HPN: variants seen among roughly 807,000 people sequenced by gnomAD.
The protein encoded by HPN is hepsin, also known as serine protease hepsin.
HPN carries 13 observed loss-of-function variants against 55.9 expected under a neutral mutation model. The ratio of observed to expected loss-of-function variants is 0.23; its 90% CI spans 0.15 to 0.37. HPN has a LOEUF of 0.37. Among genes scored for constraint, HPN ranks in the 10% least tolerant of loss-of-function variants. HPN has a pLI of 1.00. For synonymous variants in HPN, 225 were observed against 240.3 expected (o/e 0.94, Z 0.59); for missense variants, 451 against 575.8 (o/e 0.78, Z 2.22).
intron 7 of HPN, 57 bp downstream of exon 7, chr19:35,060,226 C>T: frequency 6.2e-7 from 1 of 1,610,538 alleles, no homozygotes; most frequent in Admixed American, 1.7e-5. Flanking sequence ...GCCACGTCCC[C>T]TCAAGCTCCC....
At chr19:35,057,872 C>T (rs1046305428) in intron 4 of HPN, among the ~76,000 whole-genome samples, 1 of 152,132 alleles carries the variant, frequency 6.6e-6, no homozygotes, top group Non-Finnish European at 1.5e-5. Context: ...ATTTTAAGGC[C>T]GGGTGCAGTG....
intron 4 of HPN, among the ~76,000 whole-genome samples, chr19:35,054,611 T>C (rs2064437171): frequency 6.6e-6 from 1 of 152,130 alleles, no homozygotes. Context: ...TCCAGGGCAA[T>C]GTTAAAAGCT....
chr19:35,041,850 G>A lies in HPN; in HGVS notation c.-77G>A. ...GACCCCGGCACTACCTCGAGGCTCC[G>A]CCCCCACCTGCTGGACCCCAGGGTA... On this transcript the variant is annotated 5_prime_UTR_variant, in exon 1 of 13. Coordinates refer to ENST00000672452, the MANE Select transcript of HPN (RefSeq NM_001384133.1). 1.5e-6 allele frequency: 2 copies of A among 1,341,890 alleles called. No individual in the cohort carries two copies. 83.1% of individuals were successfully genotyped at this position (1,341,890 alleles called of 1,614,324 possible).
Position 35,065,529 on chromosome 19 carries a change from A to C in HPN, c.908-10A>C, listed in dbSNP as rs201049498. 2.5e-5 allele frequency: 41 copies of C among 1,613,734 alleles called. No individual in the cohort carries two copies. The East Asian group carries it at 8.9e-4, about 35-fold the overall frequency. ...CCCAGCTCTGGCCAGCCTTGCCTGC[A>C]CACCCCCAGGCCAACAGGCCGGGGT... is the stretch of plus-strand genomic sequence containing the variant. On this transcript the variant is annotated splice_polypyrimidine_tract_variant and intron_variant, in intron 10 of 12. Transcript: ENST00000672452.
chr19:35,061,811 A>G (rs1425419159), intron 9 of HPN, among the ~76,000 whole-genome samples: 1 of 152,108 alleles, frequency 6.6e-6, no homozygotes, highest in East Asian at 1.9e-4. Flanking sequence ...CACGCCTGTA[A>G]TCCTGGCACT....
chr19:35,049,751 T>G (rs1204879663), intron 4 of HPN, among the ~76,000 whole-genome samples: 6 of 152,170 alleles, frequency 3.9e-5, no homozygotes, highest in African/African-American at 1.4e-4. Context: ...CTCATAAAAT[T>G]AAATTAGTGA....
At chr19:35,041,401 T>G (rs2305749), upstream of HPN, among the ~76,000 whole-genome samples, 71,017 of 151,308 alleles carry the variant, frequency 0.47, 17,074 homozygotes, top group Middle Eastern at 0.58. Flanking sequence ...GGGGGAAGGG[T>G]TCGCTGGGTG....
intron 4 of HPN, among the ~76,000 whole-genome samples, chr19:35,056,839 G>A (rs567937056): frequency 1.3e-5 from 2 of 152,122 alleles, no homozygotes; most frequent in African/African-American, 2.4e-5. Flanking sequence ...GGAGAATTAC[G>A]CACTTTAGCA....
rs766219637 is a variant in HPN at position 35,049,435 on chromosome 19, G to A, written c.119-40G>A. On this transcript the variant is annotated intron_variant, in intron 3 of 12. Coordinates refer to ENST00000672452, the MANE Select transcript of HPN (RefSeq NM_001384133.1). The stretch of plus-strand genomic sequence containing the variant: ...CCTCTGACCTCCCCTGGCCCCTGCA[G>A]CCTCCAGCCTGCCTGCCCTCACCCC... 4.3e-6 allele frequency: 7 copies of A among 1,613,022 alleles called. No homozygotes were observed. In the East Asian group the frequency reaches 1.1e-4, roughly 26 times the overall value.
In HPN at chr19:35,065,745, G is replaced by A. The variant is rs1468209554; in HGVS notation, c.1050+64G>A. 14 of 1,604,606 alleles carry A rather than the reference G, an allele frequency of 8.7e-6. No homozygotes were observed. The African/African-American group carries it at 1.1e-4, about 12-fold the overall frequency. On this transcript the variant is annotated intron_variant, in intron 11 of 12. Coordinates refer to ENST00000672452, the MANE Select transcript of HPN (RefSeq NM_001384133.1). ...ACCCCAGGGATGGAGATGCAGGGGAGTGGGTGGTCAGGCTCCCCATCTAAA... is the reference window on the plus strand; with the variant it reads ...ACCCCAGGGATGGAGATGCAGGGGAATGGGTGGTCAGGCTCCCCATCTAAA...
intron 2 of HPN, among the ~76,000 whole-genome samples, chr19:35,046,082 G>A (rs2064338936): frequency 6.6e-6 from 1 of 152,164 alleles, no homozygotes; most frequent in Non-Finnish European, 1.5e-5. Flanking sequence ...ACCTCCTGCT[G>A]GAACCTGGAG....
chr19:35,062,754 G>A (rs1381209900), intron 9 of HPN, among the ~76,000 whole-genome samples: 10 of 152,056 alleles, frequency 6.6e-5, no homozygotes, highest in Admixed American at 4.6e-4. Context: ...GGTGGTGCGC[G>A]CCTGTGGTCC....
chr19:35,049,947 C>T (rs1452956210), intron 4 of HPN, among the ~76,000 whole-genome samples: 2 of 150,776 alleles, frequency 1.3e-5, no homozygotes, highest in East Asian at 1.9e-4. Context: ...CCCTGTTTTA[C>T]AGATGGGGAA....
Position 35,059,909 on chromosome 19 carries a change from C to T in HPN, c.326C>T (p.Ala109Val). 3 of 1,502,378 alleles carry T rather than the reference C, an allele frequency of 2.0e-6. No homozygotes were observed. Among genetic ancestry groups the T allele is most frequent in the South Asian group, 1.3e-5 (1 of 74,394 alleles). The allele number at this position is 1,502,378 out of a possible 1,614,324, so 93.1% of individuals were successfully genotyped here. A position where few individuals can be genotyped will look rare whatever the true frequency, so the allele number is the denominator to read the frequency against. ...LTHSELDVRT[A>V]GANGTSGFFC... ...CACTCCGAGCTGGACGTGCGAACGG[C>T]GGGCGCCAATGGCACGTCGGGCTTC... Residue 109 changes from alanine to valine, a missense_variant, in exon 6 of 13, where the codon GCG (alanine) becomes GTG (valine). Transcript: ENST00000672452.
intron 4 of HPN, among the ~76,000 whole-genome samples, chr19:35,056,257 G>C (rs960144259): frequency 5.3e-5 from 8 of 151,936 alleles, no homozygotes; most frequent in African/African-American, 1.9e-4. Context: ...TTTTCTCTGT[G>C]GCCCCTTCCT....
chr19:35,046,675 G>A (rs1217477003), intron 2 of HPN, among the ~76,000 whole-genome samples: 5 of 152,212 alleles, frequency 3.3e-5, no homozygotes, highest in Non-Finnish European at 2.9e-5. Flanking sequence ...GCAGATGGGC[G>A]AGCTGGGAGC....
At chr19:35,050,645 G>A in intron 4 of HPN, 2 of 636,018 alleles carry the variant, frequency 3.1e-6, no homozygotes, top group Non-Finnish European at 4.6e-6. Flanking sequence ...CCCTGATGCA[G>A]GACAGCAGGA....
rs1031080705 is a variant in HPN, at chr19:35,059,899, G to A, written c.316G>A (p.Val106Met). The change falls in exon 6 of 13, where the codon GTG becomes ATG. Residue 106 changes from valine (V) to methionine (M), a missense_variant. Coordinates refer to ENST00000672452, the MANE Select transcript of HPN (RefSeq NM_001384133.1). ...GGCACTGACCCACTCCGAGCTGGAC[G>A]TGCGAACGGCGGGCGCCAATGGCAC... Reference protein sequence around the residue: ...LRALTHSELDVRTAGANGTSG... With the variant: ...LRALTHSELDMRTAGANGTSG... 3 of 1,511,582 alleles carry A rather than the reference G, an allele frequency of 2.0e-6. No individual in the cohort carries two copies. Among genetic ancestry groups the A allele is most frequent in the East Asian group, 2.3e-5 (1 of 43,040 alleles). 93.6% of individuals were successfully genotyped at this position (1,511,582 alleles called of 1,614,324 possible).
chr19:35,060,296 A>T (rs2064513809), intron 7 of HPN, 51 bp from the exon 8 acceptor site: 1 of 1,607,286 alleles, frequency 6.2e-7, no homozygotes, highest in Admixed American at 1.7e-5. Context: ...GGCTCTGGGG[A>T]CCTGGGCTCC....
Sources: gnomAD v4.1 joint callset for allele counts (sites outside exome capture counted in the v4.1 genomes callset) on GRCh38, gnomAD v4.1.1 for gene constraint, MANE v1.5 for transcripts, NCBI Gene and HGNC (gene_info 2026-07-23, HGNC 2026-07-21) for gene names.